The following SCAPER variants were observed in gnomAD, a reference collection of about 807,000 sequenced individuals.
SCAPER encodes the protein S phase cyclin A-associated protein in the endoplasmic reticulum.
In SCAPER, 98 loss-of-function variants were observed where a neutral mutation model predicts 182.2. That is an observed-to-expected ratio of 0.54 (90% CI 0.46 to 0.64). The LOEUF (loss-of-function observed/expected upper bound fraction) is 0.64, where lower values mean the gene tolerates loss of function less well. SCAPER is among the 30% of genes least tolerant of loss of function. The pLI is 0.00. For missense variants in SCAPER, 1,432 were observed against 1,690.0 expected (o/e 0.85, Z 2.68); for synonymous variants, 605 against 564.6 (o/e 1.07, Z -1.01).
At chr15:76,891,009 T>C (rs1390331831) in intron 1 of SCAPER, among the ~76,000 whole-genome samples, 1 of 152,144 alleles carries the variant, frequency 6.6e-6, no homozygotes, top group African/African-American at 2.4e-5. Flanking sequence ...GCAAGGCTGG[T>C]TCAACATATG....
At chr15:76,390,427 GA>G (rs1275545798) in intron 27 of SCAPER, among the ~76,000 whole-genome samples, 2 of 152,194 alleles carry the variant, frequency 1.3e-5, no homozygotes, top group Admixed American at 6.5e-5. Flanking sequence ...CTAAGAAGAA[GA>G]AACTCTGGAC....
At chr15:76,652,880 A>G (rs1168616396) in intron 21 of SCAPER, among the ~76,000 whole-genome samples, 2 of 152,106 alleles carry the variant, frequency 1.3e-5, no homozygotes, top group Non-Finnish European at 2.9e-5. Flanking sequence ...AGCCAGGGCA[A>G]TCAGGAAAGA....
intron 20 of SCAPER, among the ~76,000 whole-genome samples, chr15:76,691,646 C>A (rs753008122): frequency 6.6e-6 from 1 of 151,770 alleles, no homozygotes; most frequent in African/African-American, 2.4e-5. Flanking sequence ...CAGTGAAAAC[C>A]CCATTTACAA....
intron 14 of SCAPER, among the ~76,000 whole-genome samples, chr15:76,757,115 A>G (rs970551378): frequency 2.0e-5 from 3 of 152,214 alleles, no homozygotes; most frequent in Non-Finnish European, 4.4e-5. Flanking sequence ...TAGACTTTCT[A>G]ATGAAGGAAT....
intron 26 of SCAPER, among the ~76,000 whole-genome samples, chr15:76,417,640 A>G (rs766376332): frequency 1.3e-5 from 2 of 152,216 alleles, no homozygotes; most frequent in Admixed American, 6.5e-5. Flanking sequence ...TGGTGGCTAG[A>G]TATGTGGTCA....
intron 21 of SCAPER, among the ~76,000 whole-genome samples, chr15:76,653,323 T>A (rs994382059): frequency 2.2e-4 from 33 of 152,192 alleles, no homozygotes; most frequent in African/African-American, 8.0e-4. Flanking sequence ...GCTATTCATA[T>A]CAAACTGCCA....
chr15:76,647,289 G>C (rs1181008923), intron 21 of SCAPER, among the ~76,000 whole-genome samples: 4 of 152,142 alleles, frequency 2.6e-5, no homozygotes, highest in Non-Finnish European at 5.9e-5. Flanking sequence ...ATTTTATTAA[G>C]GCCTTGACAA....
chr15:76,838,856 C>T (rs1445280503), intron 5 of SCAPER, among the ~76,000 whole-genome samples: 1 of 152,198 alleles, frequency 6.6e-6, no homozygotes, highest in African/African-American at 2.4e-5. Context: ...GGCAGCCACA[C>T]CCACAAATTT....
At chr15:76,750,181 A>G (rs1334196307) in intron 15 of SCAPER, among the ~76,000 whole-genome samples, 4 of 151,948 alleles carry the variant, frequency 2.6e-5, no homozygotes, top group South Asian at 2.1e-4. Context: ...CATATGAAAA[A>G]AAAAAATCTC....
At chr15:76,684,768 T>C (rs934713571) in intron 20 of SCAPER, among the ~76,000 whole-genome samples, 2 of 151,808 alleles carry the variant, frequency 1.3e-5, no homozygotes, top group African/African-American at 4.8e-5. Flanking sequence ...ATACTAAAGG[T>C]TGTTTAAGAA....
chr15:76,729,332 A>G (rs2060784447), intron 16 of SCAPER, among the ~76,000 whole-genome samples: 1 of 151,898 alleles, frequency 6.6e-6, no homozygotes, highest in Admixed American at 6.6e-5. Flanking sequence ...ACACATATAC[A>G]TATATATCCT....
chr15:76,751,142 C>CA (rs2062063303), intron 15 of SCAPER, among the ~76,000 whole-genome samples: 1 of 151,548 alleles, frequency 6.6e-6, no homozygotes, highest in Admixed American at 6.6e-5. Context: ...ACAATAGCAC[C>CA]AAAAATAATA....
chr15:76,784,363 C>A (rs2064411838), intron 8 of SCAPER, among the ~76,000 whole-genome samples: 1 of 152,122 alleles, frequency 6.6e-6, no homozygotes, highest in South Asian at 2.1e-4. Context: ...GAACCACAAA[C>A]CACTATTCAA....
At chr15:76,682,529 C>T (rs1252284685) in intron 20 of SCAPER, among the ~76,000 whole-genome samples, 2 of 152,184 alleles carry the variant, frequency 1.3e-5, no homozygotes, top group African/African-American at 4.8e-5. Flanking sequence ...AGTCCAGCTC[C>T]CACTGCTACG....
intron 1 of SCAPER, among the ~76,000 whole-genome samples, chr15:76,888,015 C>T (rs1005789144): frequency 6.6e-6 from 1 of 152,242 alleles, no homozygotes; most frequent in African/African-American, 2.4e-5. Flanking sequence ...GCAGCCTCTG[C>T]TGGTGATACC....
chr15:76,861,994 A>T (rs1480493418), intron 3 of SCAPER: 2 of 152,692 alleles, frequency 1.3e-5, no homozygotes, highest in African/African-American at 4.8e-5. Context: ...ATTTCATGAG[A>T]ACTCACTCAC....
intron 1 of SCAPER, among the ~76,000 whole-genome samples, chr15:76,892,160 T>C (rs918656033): frequency 6.6e-6 from 1 of 152,160 alleles, no homozygotes; most frequent in African/African-American, 2.4e-5. Flanking sequence ...TTACACTTTA[T>C]ACAAAAATTA....
At chr15:76,639,184 T>C (rs1433688529) in intron 21 of SCAPER, among the ~76,000 whole-genome samples, 1 of 152,198 alleles carries the variant, frequency 6.6e-6, no homozygotes, top group Non-Finnish European at 1.5e-5. Flanking sequence ...TACCTATAAT[T>C]AATATGGAAG....
intron 20 of SCAPER, among the ~76,000 whole-genome samples, chr15:76,695,571 T>C (rs935167618): frequency 3.4e-5 from 5 of 148,772 alleles, no homozygotes; most frequent in Non-Finnish European, 5.9e-5. Flanking sequence ...CACTCCAGCC[T>C]GGATGACGGA....
Sources: allele counts gnomAD v4.1 joint callset (sites outside exome capture counted in the v4.1 genomes callset), GRCh38; gene constraint gnomAD v4.1.1; transcripts MANE v1.5; gene names NCBI Gene and HGNC (gene_info 2026-07-23, HGNC 2026-07-21).